The following EXOC4 variants were observed in gnomAD, a reference collection of about 807,000 sequenced individuals.
EXOC4 encodes the protein exocyst complex component 4.
EXOC4 carries 71 observed loss-of-function variants against 107.2 expected under a neutral mutation model. The ratio of observed to expected loss-of-function variants is 0.66; its 90% CI spans 0.55 to 0.81. The LOEUF is 0.81. Ranked by LOEUF, EXOC4 falls within the 30% of genes least tolerant of loss-of-function variation. The pLI, the probability that EXOC4 is intolerant of heterozygous loss-of-function variation, is 0.00. For missense variants in EXOC4, 1,108 were observed against 1,189.6 expected, an observed-to-expected ratio of 0.93 and a Z score of 1.01; for synonymous variants, 456 against 441.2, an observed-to-expected ratio of 1.03 and a Z score of -0.42.
chr7:133,954,788 G>A (rs1022147365), intron 14 of EXOC4, among the ~76,000 whole-genome samples: 6 of 152,234 alleles, frequency 3.9e-5, no homozygotes, highest in Non-Finnish European at 8.8e-5. Context: ...AGAGGGGTGT[G>A]AGCAAGTGAG....
At chr7:133,353,818 A>T (rs1427392134) in intron 5 of EXOC4, among the ~76,000 whole-genome samples, 1 of 150,956 alleles carries the variant, frequency 6.6e-6, no homozygotes, top group African/African-American at 2.4e-5. Context: ...ATCTTTTTTC[A>T]TTCTGTTCTT....
At chr7:133,994,175 TCA>T (rs1161163717) in intron 14 of EXOC4, among the ~76,000 whole-genome samples, 1 of 152,244 alleles carries the variant, frequency 6.6e-6, no homozygotes, top group African/African-American at 2.4e-5. Flanking sequence ...CCATGTGTTC[TCA>T]CTGTTCAACT....
intron 11 of EXOC4, among the ~76,000 whole-genome samples, chr7:133,832,469 C>CT (rs1242935232): frequency 1.3e-5 from 2 of 152,148 alleles, no homozygotes; most frequent in Non-Finnish European, 2.9e-5. Flanking sequence ...ACATTTCTCT[C>CT]TTTTTAAGAC....
intron 7 of EXOC4, among the ~76,000 whole-genome samples, chr7:133,401,968 A>G (rs1797100531): frequency 6.6e-6 from 1 of 152,142 alleles, no homozygotes; most frequent in South Asian, 2.1e-4. Flanking sequence ...CACCTGACAA[A>G]AGGGAGTGGG....
At chr7:133,558,035 T>C (rs1350080160) in intron 9 of EXOC4, among the ~76,000 whole-genome samples, 2 of 152,134 alleles carry the variant, frequency 1.3e-5, no homozygotes, top group Admixed American at 1.3e-4. Flanking sequence ...ATTAGTATGA[T>C]AAGTGTTTTC....
intron 9 of EXOC4, among the ~76,000 whole-genome samples, chr7:133,558,196 CTTT>C (rs1800733805): frequency 9.9e-6 from 1 of 101,218 alleles, no homozygotes; most frequent in South Asian, 3.3e-4. Context: ...CTTCTCTTTT[CTTT>C]TCTTTTCTTT....
At chr7:133,815,017 A>G (rs1454816261) in intron 10 of EXOC4, among the ~76,000 whole-genome samples, 4 of 152,182 alleles carry the variant, frequency 2.6e-5, no homozygotes, top group Admixed American at 2.0e-4. Flanking sequence ...TTTCCATAGC[A>G]TTGTGGAACT....
intron 11 of EXOC4, among the ~76,000 whole-genome samples, chr7:133,857,580 T>C (rs1160104874): frequency 2.0e-5 from 3 of 150,286 alleles, no homozygotes; most frequent in Non-Finnish European, 3.0e-5. Context: ...AAGCCAGGCA[T>C]GGAGCAGCGA....
intron 9 of EXOC4, chr7:133,484,003 A>T (rs778612323): frequency 1.9e-6 from 3 of 1,613,326 alleles, no homozygotes; most frequent in South Asian, 2.2e-5. Flanking sequence ...CTTCCCAGTA[A>T]TTTCGGTTCA....
In EXOC4 at chr7:133,745,641, A is replaced by G. The variant is rs1247014969; in HGVS notation, c.1515-71684A>G. Among the ~76,000 whole-genome samples, 4 of 152,032 alleles carry G rather than the reference A, an allele frequency of 2.6e-5. No homozygotes were observed. In the East Asian group the frequency reaches 7.7e-4, roughly 29 times the overall value. On this transcript the variant is annotated intron_variant, in intron 10 of 17. Coordinates refer to ENST00000253861, the MANE Select transcript of EXOC4 (RefSeq NM_021807.4). Reference sequence around the variant, plus strand: ...TAAAACAAGCATTTAAACATTTTTGAAAAGACTGGAATAAAATAGGACAAA... The same window carrying G: ...TAAAACAAGCATTTAAACATTTTTGGAAAGACTGGAATAAAATAGGACAAA...
intron 10 of EXOC4, among the ~76,000 whole-genome samples, chr7:133,709,855 T>C (rs1338878241): frequency 2.0e-5 from 3 of 152,168 alleles, no homozygotes; most frequent in African/African-American, 7.2e-5. Flanking sequence ...AGTAAAGCAC[T>C]TTGAAGAGTG....
intron 17 of EXOC4, among the ~76,000 whole-genome samples, chr7:134,039,449 G>T (rs1006666993): frequency 6.6e-6 from 1 of 152,100 alleles, no homozygotes; most frequent in Non-Finnish European, 1.5e-5. Flanking sequence ...ATTCTCTTTG[G>T]CTGGCTGTAT....
At chr7:133,696,527 A>G (rs1267744205) in intron 10 of EXOC4, among the ~76,000 whole-genome samples, 1 of 152,204 alleles carries the variant, frequency 6.6e-6, no homozygotes, top group African/African-American at 2.4e-5. Flanking sequence ...TTGCTTATAG[A>G]AAATATAGCT....
intron 10 of EXOC4, among the ~76,000 whole-genome samples, chr7:133,723,307 T>C (rs1004436988): frequency 6.6e-6 from 1 of 152,170 alleles, no homozygotes; most frequent in East Asian, 1.9e-4. Flanking sequence ...CCTTGAGCAA[T>C]TGCTTTCACT....
intron 17 of EXOC4, among the ~76,000 whole-genome samples, chr7:134,041,777 G>C (rs1795525095): frequency 6.6e-6 from 1 of 152,200 alleles, no homozygotes; most frequent in Non-Finnish European, 1.5e-5. Context: ...GAAACAGCAA[G>C]AATGCTTCTT....
chr7:133,262,486 A>G (rs2150507778), intron 1 of EXOC4, among the ~76,000 whole-genome samples: 1 of 152,338 alleles, frequency 6.6e-6, no homozygotes, highest in Non-Finnish European at 1.5e-5. Context: ...AAAATAAAAT[A>G]TTTCAAGATT....
intron 10 of EXOC4, among the ~76,000 whole-genome samples, chr7:133,695,830 T>C (rs1337484415): frequency 2.6e-5 from 4 of 152,326 alleles, no homozygotes; most frequent in Non-Finnish European, 4.4e-5. Context: ...ATCCTAACAA[T>C]TATGTTGTAT....
intron 10 of EXOC4, among the ~76,000 whole-genome samples, chr7:133,687,001 G>C (rs1291448713): frequency 3.4e-5 from 1 of 29,086 alleles, no homozygotes; most frequent in Non-Finnish European, 9.3e-5. Flanking sequence ...TTTTGTGTGT[G>C]TGTGTGTGTG....
chr7:133,645,692 C>T (rs1489677900), intron 10 of EXOC4, among the ~76,000 whole-genome samples: 2 of 151,630 alleles, frequency 1.3e-5, no homozygotes, highest in African/African-American at 2.4e-5. Context: ...GGAATTCACA[C>T]AGTTCATCGT....
Sources: allele counts gnomAD v4.1 joint callset (sites outside exome capture counted in the v4.1 genomes callset), GRCh38; gene constraint gnomAD v4.1.1; transcripts MANE v1.5; gene names NCBI Gene and HGNC (gene_info 2026-07-23, HGNC 2026-07-21).